Variants in FAM13A observed in about 807,000 individuals in gnomAD.
The protein encoded by FAM13A is family with sequence similarity 13 member A, also known as protein FAM13A.
FAM13A carries 76 observed loss-of-function variants against 129.6 expected under a neutral mutation model. That is an observed-to-expected ratio of 0.59 (90% CI 0.49 to 0.71). The LOEUF (loss-of-function observed/expected upper bound fraction) is 0.71, where lower values mean the gene tolerates loss of function less well. FAM13A is among the 30% of genes least tolerant of loss of function. The pLI, the probability that FAM13A is intolerant of heterozygous loss-of-function variation, is 0.00. For synonymous variants in FAM13A, 443 were observed against 449.9 expected (o/e 0.98, Z 0.20); for missense variants, 1,108 against 1,249.3 (o/e 0.89, Z 1.70).
intron 11 of FAM13A, among the ~76,000 whole-genome samples, chr4:88,777,179 G>C (rs1395729320): frequency 6.6e-6 from 1 of 152,160 alleles, no homozygotes; most frequent in Non-Finnish European, 1.5e-5. Context: ...GTGTGCATGT[G>C]TAAGTATGTT....
intron 8 of FAM13A, among the ~76,000 whole-genome samples, chr4:88,803,789 A>G (rs1728014997): frequency 6.6e-6 from 1 of 152,230 alleles, no homozygotes; most frequent in South Asian, 2.1e-4. Flanking sequence ...TAAAGAGTAA[A>G]CACTATTAAA....
intron 6 of FAM13A, among the ~76,000 whole-genome samples, chr4:88,895,579 A>C (rs1326784958): frequency 1.3e-5 from 2 of 149,668 alleles, no homozygotes; most frequent in African/African-American, 4.9e-5. Context: ...ACAAGAAAAA[A>C]ACAAACAACC....
At chr4:88,797,936 A>T (rs1341341518) in intron 8 of FAM13A, among the ~76,000 whole-genome samples, 1 of 152,228 alleles carries the variant, frequency 6.6e-6, no homozygotes, top group Non-Finnish European at 1.5e-5. Flanking sequence ...GAGGCAGATC[A>T]TCCTTTCCCC....
At chr4:89,055,038 C>T (rs1201663894) in intron 1 of FAM13A, among the ~76,000 whole-genome samples, 1 of 152,202 alleles carries the variant, frequency 6.6e-6, no homozygotes, top group Non-Finnish European at 1.5e-5. Flanking sequence ...CTCTCATATC[C>T]ATATACATAT....
At chr4:89,042,746 T>C (rs1770321715) in intron 1 of FAM13A, among the ~76,000 whole-genome samples, 1 of 113,826 alleles carries the variant, frequency 8.8e-6, no homozygotes. Context: ...CATTTAAATT[T>C]CTCTTTATGT....
intron 7 of FAM13A, among the ~76,000 whole-genome samples, chr4:88,827,144 C>A (rs1733142332): frequency 6.6e-6 from 1 of 152,186 alleles, no homozygotes; most frequent in South Asian, 2.1e-4. Flanking sequence ...AATCCAAATG[C>A]CTTTTCTTAG....
At chr4:89,010,801 C>G (rs778372300) in intron 3 of FAM13A, among the ~76,000 whole-genome samples, 1 of 152,168 alleles carries the variant, frequency 6.6e-6, no homozygotes, top group Non-Finnish European at 1.5e-5. Context: ...CTTCCTAACA[C>G]AGTTTCTCAG....
At chr4:88,818,592 G>T (rs1731241681) in intron 7 of FAM13A, among the ~76,000 whole-genome samples, 1 of 152,048 alleles carries the variant, frequency 6.6e-6, no homozygotes, top group Non-Finnish European at 1.5e-5. Context: ...GGGCTCCATG[G>T]GTAATTAAAC....
At chr4:88,945,990 G>GTGTGTGTGTGTGTGTGTGTATA in intron 4 of FAM13A, among the ~76,000 whole-genome samples, 1 of 61,966 alleles carries the variant, frequency 1.6e-5, no homozygotes, top group African/African-American at 8.6e-5. Flanking sequence ...GTGTGTGTGT[G>GTGTGTGTGTGTGTGTGTGTATA]TATATATATA....
At chr4:88,987,777 G>C (rs1278318158) in intron 4 of FAM13A, among the ~76,000 whole-genome samples, 3 of 131,984 alleles carry the variant, frequency 2.3e-5, no homozygotes, top group African/African-American at 8.8e-5. Context: ...GGGAGGCGGA[G>C]CTTGCAGTGA....
intron 21 of FAM13A, among the ~76,000 whole-genome samples, chr4:88,735,671 A>G (rs1165712279): frequency 6.6e-6 from 1 of 152,210 alleles, no homozygotes; most frequent in Non-Finnish European, 1.5e-5. Context: ...CACACACACC[A>G]AATTCTAAAC....
chr4:89,009,881 T>G (rs539812586), intron 3 of FAM13A, among the ~76,000 whole-genome samples: 1 of 152,230 alleles, frequency 6.6e-6, no homozygotes, highest in South Asian at 2.1e-4. Context: ...CTGCAACAGA[T>G]GCCAAGCTCT....
intron 16 of FAM13A, among the ~76,000 whole-genome samples, chr4:88,749,520 T>C (rs1301959131): frequency 1.3e-5 from 2 of 152,248 alleles, no homozygotes; most frequent in African/African-American, 2.4e-5. Context: ...CAGTTCCTGC[T>C]TACTGATTAA....
rs570092816 is a variant in FAM13A, at chr4:88,934,517, C to T, written c.759+3571G>A. ...TGATTAAGTTATTTCTTGAATGGGG[C>T]TTCACTAGTGTCTGGATTTAGAACA... On this transcript the variant is annotated intron_variant, in intron 5 of 23. Transcript: ENST00000264344. Among the ~76,000 whole-genome samples the T allele has an allele frequency of 9.9e-5, 15 of 152,274 alleles. No homozygotes were observed. In the East Asian group the frequency reaches 2.9e-3, roughly 29 times the overall value.
At position 88,752,068 on chromosome 4, in the gene FAM13A, C is replaced by T. The variant is rs530079334; in HGVS notation, c.1727-1431G>A. Among the ~76,000 whole-genome samples, 7 of 152,236 alleles carry T rather than the reference C, an allele frequency of 4.6e-5. No individual in the cohort carries two copies. In the South Asian group the frequency reaches 6.2e-4, roughly 14 times the overall value. On this transcript the variant is annotated intron_variant, in intron 14 of 23. Coordinates refer to ENST00000264344, the MANE Select transcript of FAM13A (RefSeq NM_014883.4). ...AATTTTGTGATTTCTCAATCCTGGC[C>T]GCACATTAAAGTCACACAGGGAAAT... is the stretch of plus-strand genomic sequence containing the variant.
At chr4:88,832,548 C>A (rs1734065725) in intron 7 of FAM13A, among the ~76,000 whole-genome samples, 1 of 151,638 alleles carries the variant, frequency 6.6e-6, no homozygotes, top group African/African-American at 2.4e-5. Flanking sequence ...AGAAAAAAAC[C>A]AACCCCATTA....
chr4:88,915,168 A>G (rs866398037), intron 5 of FAM13A, among the ~76,000 whole-genome samples: 26 of 152,348 alleles, frequency 1.7e-4, no homozygotes, highest in African/African-American at 6.0e-4. Flanking sequence ...TCCAATACAT[A>G]TGACTGGCAG....
At chr4:89,048,577 T>C (rs1339970094) in intron 1 of FAM13A, among the ~76,000 whole-genome samples, 1 of 152,160 alleles carries the variant, frequency 6.6e-6, no homozygotes, top group African/African-American at 2.4e-5. Context: ...CATTATGGTA[T>C]GTAAGTTATA....
At chr4:88,956,887 AG>A (rs1757833945) in intron 4 of FAM13A, among the ~76,000 whole-genome samples, 1 of 152,182 alleles carries the variant, frequency 6.6e-6, no homozygotes. Flanking sequence ...CCCAAATTTC[AG>A]GTTGAATTAT....
Sources: allele counts gnomAD v4.1 joint callset (sites outside exome capture counted in the v4.1 genomes callset), GRCh38; gene constraint gnomAD v4.1.1; transcripts MANE v1.5; gene names NCBI Gene and HGNC (gene_info 2026-07-23, HGNC 2026-07-21).